CHRM3: variants seen among roughly 807,000 people sequenced by gnomAD.
CHRM3 encodes the protein muscarinic acetylcholine receptor M3.
CHRM3 carries 11 observed loss-of-function variants against 41.8 expected under a neutral mutation model. The observed-to-expected ratio is 0.26, with a 90% CI of 0.17 to 0.44. CHRM3 has a LOEUF of 0.44. CHRM3 is among the 20% of genes least tolerant of loss of function. The pLI, the probability that CHRM3 is intolerant of heterozygous loss-of-function variation, is 1.00. For missense variants in CHRM3, 571 were observed against 745.4 expected (o/e 0.77, Z 2.72); for synonymous variants, 297 against 301.4 (o/e 0.99, Z 0.15).
rs546685537 is a variant in CHRM3, at chr1:239,844,954, G to T, written c.-20+17576G>T. Among the ~76,000 whole-genome samples, 27 of 152,302 alleles carry T rather than the reference G, an allele frequency of 1.8e-4. 1 individual carries two copies. The South Asian group carries it at 5.6e-3, about 32-fold the overall frequency. On this transcript the variant is annotated intron_variant, in intron 6 of 6. Transcript: ENST00000676153. ...ATGCAGTGTGAACTAAGGAAAGAGG[G>T]CTTATAAAAAGATGTCTTAATTTTT...
rs11801838 is a variant in CHRM3 at position 239,867,456 on chromosome 1, G to A, written c.-19-39977G>A. ...TAATCCCAGCACTTTGGGAAGCCGC[G>A]GCGGGCAGATCATTTGAGGTCAGGA... On this transcript the variant is annotated intron_variant, in intron 6 of 6. Coordinates refer to ENST00000676153, the MANE Select transcript of CHRM3 (RefSeq NM_001375978.1). Among the ~76,000 whole-genome samples, 440 of 152,272 alleles carry A rather than the reference G, an allele frequency of 2.9e-3. 2 individuals carry two copies. Among genetic ancestry groups the A allele is most frequent in the African/African-American group, 9.5e-3 (395 of 41,566 alleles).
chr1:239,446,187 G>A (rs552354813), intron 1 of CHRM3, among the ~76,000 whole-genome samples: 2 of 152,086 alleles, frequency 1.3e-5, no homozygotes, highest in Non-Finnish European at 2.9e-5. Context: ...CGCCCGCCTT[G>A]GCCTCCCAAA....
At chr1:239,573,633 T>A (rs964213808) in intron 3 of CHRM3, among the ~76,000 whole-genome samples, 2 of 149,398 alleles carry the variant, frequency 1.3e-5, no homozygotes, top group African/African-American at 4.9e-5. Context: ...CCATAGACCA[T>A]CCTCTTATCC....
At chr1:239,722,646 T>A (rs1464874099) in intron 5 of CHRM3, among the ~76,000 whole-genome samples, 2 of 151,902 alleles carry the variant, frequency 1.3e-5, no homozygotes, top group Non-Finnish European at 2.9e-5. Flanking sequence ...ATTGACAATC[T>A]TCATTATGTT....
chr1:239,803,952 C>G (rs1388353171), intron 5 of CHRM3, among the ~76,000 whole-genome samples: 3 of 152,208 alleles, frequency 2.0e-5, no homozygotes, highest in Non-Finnish European at 2.9e-5. Flanking sequence ...AGCAGACAGA[C>G]TGGTTTCCTG....
At chr1:239,537,053 T>C (rs1242795817) in intron 2 of CHRM3, among the ~76,000 whole-genome samples, 1 of 152,196 alleles carries the variant, frequency 6.6e-6, no homozygotes, top group African/African-American at 2.4e-5. Context: ...ATGTTTTAAA[T>C]GCCTGAGGTA....
chr1:239,758,680 G>T (rs941469164), intron 5 of CHRM3, among the ~76,000 whole-genome samples: 2 of 152,108 alleles, frequency 1.3e-5, no homozygotes, highest in African/African-American at 4.8e-5. Context: ...AAATCGCCTG[G>T]ACTATTAAAA....
intron 5 of CHRM3, among the ~76,000 whole-genome samples, chr1:239,717,101 G>T (rs1027862545): frequency 6.6e-5 from 10 of 151,556 alleles, no homozygotes; most frequent in African/African-American, 2.4e-4. Context: ...AAAAGAAAAA[G>T]TTCAAATGTA....
At chr1:239,394,542 A>G (rs973154595) in intron 1 of CHRM3, among the ~76,000 whole-genome samples, 1 of 152,174 alleles carries the variant, frequency 6.6e-6, no homozygotes, top group East Asian at 1.9e-4. Context: ...AGGTGGGCAC[A>G]TCTTTTGGAG....
intron 5 of CHRM3, among the ~76,000 whole-genome samples, chr1:239,766,680 TATAGA>T (rs1667243950): frequency 2.6e-5 from 1 of 37,860 alleles, no homozygotes; most frequent in Non-Finnish European, 1.6e-4. Flanking sequence ...GATATATAGA[TATAGA>T]TATAGATATA....
At position 239,461,023 on chromosome 1, in the gene CHRM3, T is replaced by G. The variant is rs572272217; in HGVS notation, c.-520-31686T>G. On this transcript the variant is annotated intron_variant, in intron 1 of 6. Coordinates refer to ENST00000676153, the MANE Select transcript of CHRM3 (RefSeq NM_001375978.1). ...CTCCATTGGGATCTATAGCCTAATA[T>G]TCAAGAAAAATACAACAAAGCAGTT... is the stretch of plus-strand genomic sequence containing the variant. 1.6e-4 allele frequency among the ~76,000 whole-genome samples: 25 copies of G among 152,282 alleles called. 1 individual carries two copies. The highest frequency in any genetic ancestry group is 5.8e-4 in the African/African-American group (24 of 41,564).
intron 4 of CHRM3, among the ~76,000 whole-genome samples, chr1:239,670,452 T>G (rs1279963495): frequency 6.6e-6 from 1 of 152,180 alleles, no homozygotes; most frequent in Non-Finnish European, 1.5e-5. Flanking sequence ...TCTTTAAGAT[T>G]CCATTGCATG....
intron 1 of CHRM3, among the ~76,000 whole-genome samples, chr1:239,482,346 G>T (rs1666913284): frequency 6.6e-6 from 1 of 152,154 alleles, no homozygotes; most frequent in South Asian, 2.1e-4. Context: ...AAACACTGTG[G>T]CTCTTTAGGG....
At position 239,762,542 on chromosome 1, in the gene CHRM3, C is replaced by G. The variant is rs563036512; in HGVS notation, c.-146-64710C>G. 7.9e-5 allele frequency among the ~76,000 whole-genome samples: 12 copies of G among 152,210 alleles called. No individual in the cohort carries two copies. In the East Asian group the frequency reaches 2.3e-3, roughly 29 times the overall value. On this transcript the variant is annotated intron_variant, in intron 5 of 6. Coordinates refer to ENST00000676153, the MANE Select transcript of CHRM3 (RefSeq NM_001375978.1). Reference sequence around the variant, plus strand: ...ATTAATTAATGTGTGATCATTGGGCCTGTGTTTAACATTGCAGATAAATAC... The same window carrying G: ...ATTAATTAATGTGTGATCATTGGGCGTGTGTTTAACATTGCAGATAAATAC...
chr1:239,589,143 A>G (rs1047331412), intron 3 of CHRM3, among the ~76,000 whole-genome samples: 5 of 152,090 alleles, frequency 3.3e-5, no homozygotes, highest in African/African-American at 1.2e-4. Flanking sequence ...CATGTTGGCC[A>G]AGCTGGTCTC....
intron 1 of CHRM3, among the ~76,000 whole-genome samples, chr1:239,442,266 C>T (rs150658155): frequency 6.6e-6 from 1 of 151,900 alleles, no homozygotes; most frequent in Non-Finnish European, 1.5e-5. Context: ...GTCACCACGC[C>T]CAGCTGATTT....
chr1:239,639,983 A>G (rs1424654021), intron 4 of CHRM3, among the ~76,000 whole-genome samples: 1 of 151,792 alleles, frequency 6.6e-6, no homozygotes, highest in African/African-American at 2.4e-5. Flanking sequence ...AGGGTTGTTG[A>G]ATTTTGTCAA....
chr1:239,811,827 A>C (rs1671141192), intron 5 of CHRM3, among the ~76,000 whole-genome samples: 1 of 152,110 alleles, frequency 6.6e-6, no homozygotes, highest in Admixed American at 6.5e-5. Flanking sequence ...TAAGCAGCAC[A>C]GTTTGAGGAT....
intron 3 of CHRM3, among the ~76,000 whole-genome samples, chr1:239,559,777 A>G (rs1330088012): frequency 6.6e-6 from 1 of 152,214 alleles, no homozygotes; most frequent in Non-Finnish European, 1.5e-5. Flanking sequence ...ACATAACACT[A>G]TACCACTGGA....
Sources: gnomAD v4.1 joint callset for allele counts (sites outside exome capture counted in the v4.1 genomes callset) on GRCh38, gnomAD v4.1.1 for gene constraint, MANE v1.5 for transcripts, NCBI Gene and HGNC (gene_info 2026-07-23, HGNC 2026-07-21) for gene names.